ITIH2: variants seen among roughly 807,000 people sequenced by gnomAD.
ITIH2 encodes the protein inter-alpha-trypsin inhibitor heavy chain H2.
In ITIH2, 103 loss-of-function variants were observed where a neutral mutation model predicts 104.4. The ratio of observed to expected loss-of-function variants is 0.99; its 90% CI spans 0.84 to 1.16. ITIH2 has a LOEUF of 1.16. ITIH2 is among the 50% of genes most tolerant of loss of function. The pLI, the probability that ITIH2 is intolerant of heterozygous loss-of-function variation, is 0.00. For synonymous variants in ITIH2, 436 were observed against 435.4 expected, an observed-to-expected ratio of 1.00 and a Z score of -0.02; for missense variants, 1,108 against 1,162.4, an observed-to-expected ratio of 0.95 and a Z score of 0.68.
chr10:7,731,026 C>G (rs1042593302), intron 12 of ITIH2, among the ~76,000 whole-genome samples: 9 of 152,154 alleles, frequency 5.9e-5, no homozygotes, highest in African/African-American at 2.2e-4. Context: ...TCAGGCGATT[C>G]TCGCACCTCA....
chr10:7,725,995 G>A (rs1834948527), intron 9 of ITIH2, among the ~76,000 whole-genome samples: 1 of 152,238 alleles, frequency 6.6e-6, no homozygotes, highest in Non-Finnish European at 1.5e-5. Flanking sequence ...AGGAATTTGT[G>A]TTCAGGAGGG....
intron 15 of ITIH2, among the ~76,000 whole-genome samples, chr10:7,735,736 G>A (rs553105652): frequency 9.7e-5 from 14 of 145,044 alleles, no homozygotes; most frequent in Admixed American, 4.2e-4. Flanking sequence ...ACAATGGCAC[G>A]ATCTCAGCTC....
intron 15 of ITIH2, among the ~76,000 whole-genome samples, chr10:7,737,574 A>AT (rs1835069427): frequency 1.1e-5 from 1 of 94,308 alleles, no homozygotes; most frequent in African/African-American, 3.7e-5. Flanking sequence ...ATTATATATT[A>AT]AATTCTATAT....
chr10:7,722,457 C>T (rs1834913789), intron 8 of ITIH2, among the ~76,000 whole-genome samples: 1 of 152,192 alleles, frequency 6.6e-6, no homozygotes, highest in South Asian at 2.1e-4. Flanking sequence ...GGCAGCCTCT[C>T]ATTAACTTCA....
chr10:7,705,945 C>T (rs1045136326), intron 2 of ITIH2, among the ~76,000 whole-genome samples: 1 of 152,098 alleles, frequency 6.6e-6, no homozygotes, highest in African/African-American at 2.4e-5. Flanking sequence ...GCAGTATAGA[C>T]AAAACCCTCT....
chr10:7,716,457 C>G (rs1183531298), intron 5 of ITIH2, among the ~76,000 whole-genome samples: 1 of 152,026 alleles, frequency 6.6e-6, no homozygotes, highest in Non-Finnish European at 1.5e-5. Flanking sequence ...CATACTCAGG[C>G]CAGGTGCAGT....
chr10:7,729,718 T>C, intron 11 of ITIH2: 1 of 420,324 alleles, frequency 2.4e-6, no homozygotes, highest in Non-Finnish European at 4.2e-6. Flanking sequence ...CATATTTATG[T>C]TGTTTCCAAT....
At chr10:7,720,416 G>A (rs1394457070) in intron 6 of ITIH2, among the ~76,000 whole-genome samples, 1 of 152,152 alleles carries the variant, frequency 6.6e-6, no homozygotes, top group Non-Finnish European at 1.5e-5. Context: ...CCCTAGATGA[G>A]GTCTGTTCAA....
chr10:7,728,034 T>A (rs1254843393), intron 11 of ITIH2, among the ~76,000 whole-genome samples: 1 of 152,228 alleles, frequency 6.6e-6, no homozygotes. Flanking sequence ...CGCTCTTGAA[T>A]GCCTCAGTTC....
At chr10:7,741,171 A>C (rs542952845) in intron 16 of ITIH2, among the ~76,000 whole-genome samples, 2 of 129,540 alleles carry the variant, frequency 1.5e-5, no homozygotes, top group East Asian at 5.1e-4. Context: ...TGATTGTTTA[A>C]GGTTTTTTTT....
chr10:7,725,414 G>A (rs1834942891), intron 9 of ITIH2, among the ~76,000 whole-genome samples: 4 of 152,240 alleles, frequency 2.6e-5, no homozygotes, highest in Admixed American at 2.6e-4. Flanking sequence ...TGCCAGTAGA[G>A]AGGGGCAGTG....
At chr10:7,737,377 A>G (rs996084498) in intron 15 of ITIH2, among the ~76,000 whole-genome samples, 2 of 143,884 alleles carry the variant, frequency 1.4e-5, no homozygotes, top group Non-Finnish European at 3.0e-5. Flanking sequence ...ATATACATAT[A>G]TGATATATAC....
At position 7,735,576 on chromosome 10, in the gene ITIH2, T is replaced by C. The variant is rs542589146; in HGVS notation, c.1957+485T>C. ...TCCTGGACAACAAATACAATTTCTATATGCAACTAACATAATCATAGTATT... is the reference window on the plus strand; with the variant it reads ...TCCTGGACAACAAATACAATTTCTACATGCAACTAACATAATCATAGTATT... On this transcript the variant is annotated intron_variant, in intron 15 of 20. Coordinates refer to ENST00000358415, the MANE Select transcript of ITIH2 (RefSeq NM_002216.3). Among the ~76,000 whole-genome samples the C allele has an allele frequency of 3.3e-5, 5 of 152,260 alleles. No homozygotes were observed. In the East Asian group the frequency reaches 9.6e-4, roughly 29 times the overall value.
chr10:7,717,227 C>G (rs528681319), intron 5 of ITIH2, among the ~76,000 whole-genome samples: 78 of 152,156 alleles, frequency 5.1e-4, no homozygotes, highest in Non-Finnish European at 1.0e-3. Flanking sequence ...GCTGGGATTA[C>G]AGGCATGAAC....
intron 1 of ITIH2, 82 bp downstream of exon 1, chr10:7,703,600 C>T (rs1834717891): frequency 1.2e-6 from 1 of 844,424 alleles, no homozygotes; most frequent in Non-Finnish European, 2.0e-6. Context: ...ATTCAATGGC[C>T]TTATTCTGTG....
In ITIH2 at chr10:7,745,750, ATTAATTAATTCAT is replaced by A. The variant is rs375648189; in HGVS notation, c.2581+789_2581+801del. 8.3e-3 allele frequency among the ~76,000 whole-genome samples: 1,256 copies of A among 151,110 alleles called. 39 individuals are homozygous for A. In the East Asian group the frequency reaches 0.12, roughly 14 times the overall value. ...GACAGAGGGAGACTCCATCTCTTAAATTAATTAATTCATTAATTTATGAGATGGAGTTTCTCTC... is the reference window on the plus strand; with the variant it reads ...GACAGAGGGAGACTCCATCTCTTAAATAATTTATGAGATGGAGTTTCTCTC... On this transcript the variant is annotated intron_variant, in intron 19 of 20. Transcript: ENST00000358415.
intron 2 of ITIH2, 105 bp downstream of exon 2, chr10:7,705,287 T>C: frequency 1.2e-6 from 1 of 827,906 alleles, no homozygotes; most frequent in Non-Finnish European, 2.0e-6. Context: ...TAAGAGTTTG[T>C]TTTTTAGCAC....
chr10:7,705,183 G>A lies in ITIH2; in HGVS notation c.159+1G>A. ...GGTGGCAGAGAACCGGAGATATCAG[G>A]TATAGTAAGGTTTACTCCCAAAAGG... On this transcript the variant is annotated splice_donor_variant, in intron 2 of 20. Transcript: ENST00000358415. LOFTEE classifies it high-confidence loss of function. 9 of 1,602,316 alleles carry A rather than the reference G, an allele frequency of 5.6e-6. No homozygotes were observed. Among genetic ancestry groups the A allele is most frequent in the Non-Finnish European group, 7.7e-6 (9 of 1,170,538 alleles).
Position 7,726,931 on chromosome 10 carries a change from TTATTCTC to T in ITIH2, c.985-14_985-8del. Reference sequence around the variant, plus strand: ...AGATTTTCTGTAATGGGACCTGTCTTTATTCTCTATTGAAATAGACTGTGGAAGCAAT... The same window carrying T: ...AGATTTTCTGTAATGGGACCTGTCTTTATTGAAATAGACTGTGGAAGCAAT... On this transcript the variant is annotated splice_polypyrimidine_tract_variant and intron_variant, in intron 9 of 20. Coordinates refer to ENST00000358415, the MANE Select transcript of ITIH2 (RefSeq NM_002216.3). The T allele has an allele frequency of 6.3e-7, 1 of 1,578,428 alleles. No homozygotes were observed. The highest frequency in any genetic ancestry group is 1.2e-5 in the South Asian group (1 of 85,188).
Sources: allele counts gnomAD v4.1 joint callset (sites outside exome capture counted in the v4.1 genomes callset), GRCh38; gene constraint gnomAD v4.1.1; transcripts MANE v1.5; gene names NCBI Gene and HGNC (gene_info 2026-07-23, HGNC 2026-07-21).